Variants in ACCSL observed in about 807,000 individuals in gnomAD.
The protein encoded by ACCSL is probable inactive 1-aminocyclopropane-1-carboxylate synthase-like protein 2.
A neutral mutation model predicts 61.7 loss-of-function variants in ACCSL; 55 were observed. That is an observed-to-expected ratio of 0.89 (90% CI 0.72 to 1.12). The LOEUF (loss-of-function observed/expected upper bound fraction) is 1.12, where lower values mean the gene tolerates loss of function less well. Among genes scored for constraint, ACCSL ranks in the 50% most tolerant of loss-of-function variants. ACCSL has a pLI of 0.00. For missense variants in ACCSL, 632 were observed against 698.0 expected (o/e 0.91, Z 1.07); for synonymous variants, 258 against 264.3 (o/e 0.98, Z 0.23).
the ACCSL span, chr11:43,925,276 T>TC: frequency 2.3e-6 from 1 of 433,192 alleles, no homozygotes; most frequent in East Asian, 7.1e-5. Flanking sequence ...TTGAGAGTAG[T>TC]CCCTATCAAA....
the ACCSL span, among the ~76,000 whole-genome samples, chr11:44,021,680 G>T: frequency 6.6e-6 from 1 of 152,140 alleles, no homozygotes; most frequent in Admixed American, 6.5e-5. Context: ...TCTTGGTCAT[G>T]AACTCTTTGC....
chr11:44,045,457 C>G (rs11037838), upstream of ACCSL, among the ~76,000 whole-genome samples: 597 of 152,180 alleles, frequency 3.9e-3, 4 homozygotes, highest in East Asian at 0.031. Flanking sequence ...AACAACCCCC[C>G]CCACAAAAAA....
the ACCSL span, among the ~76,000 whole-genome samples, chr11:43,994,508 G>A: frequency 4.0e-5 from 6 of 151,074 alleles, no homozygotes; most frequent in Non-Finnish European, 7.4e-5. Flanking sequence ...TTAGAGCATT[G>A]TGTGTATATG....
chr11:43,963,715 C>T, the ACCSL span, among the ~76,000 whole-genome samples: 23 of 152,314 alleles, frequency 1.5e-4, no homozygotes, highest in South Asian at 8.3e-4. Flanking sequence ...ATCCCCCATG[C>T]GAAGTGAATT....
chr11:44,019,868 G>A, the ACCSL span, among the ~76,000 whole-genome samples: 2 of 152,072 alleles, frequency 1.3e-5, no homozygotes, highest in African/African-American at 4.8e-5. Flanking sequence ...TTCTCTAAGA[G>A]CTTTATTGGT....
the ACCSL span, among the ~76,000 whole-genome samples, chr11:43,938,992 G>T: frequency 6.6e-6 from 1 of 152,260 alleles, no homozygotes; most frequent in East Asian, 1.9e-4. Context: ...CCTGCTCCTT[G>T]GACAAAACCA....
At chr11:44,002,229 G>T in the ACCSL span, among the ~76,000 whole-genome samples, 1 of 152,074 alleles carries the variant, frequency 6.6e-6, no homozygotes, top group Non-Finnish European at 1.5e-5. Flanking sequence ...AGGAGAAGGG[G>T]TGGGTTTGAG....
chr11:44,050,422 G>C (rs1322005086), intron 2 of ACCSL, 130 bp from the exon 3 acceptor site: 3 of 768,532 alleles, frequency 3.9e-6, no homozygotes, highest in Non-Finnish European at 6.7e-6. Context: ...GGAGCATGCA[G>C]TGTATATACC....
chr11:43,979,862 A>G, the ACCSL span, among the ~76,000 whole-genome samples: 6 of 121,214 alleles, frequency 4.9e-5, no homozygotes, highest in East Asian at 2.4e-4. Context: ...AAAAAAAAAA[A>G]AAAGAAAAGA....
chr11:43,966,585 A>G, the ACCSL span, among the ~76,000 whole-genome samples: 1 of 152,226 alleles, frequency 6.6e-6, no homozygotes, highest in Admixed American at 6.5e-5. Context: ...TTACAACTCA[A>G]CAACAGAAAG....
chr11:44,001,775 C>CTGTGTGTGTG, the ACCSL span, among the ~76,000 whole-genome samples: 294 of 96,820 alleles, frequency 3.0e-3, 4 homozygotes, highest in Admixed American at 0.013. Flanking sequence ...GGTAAAGGGG[C>CTGTGTGTGTG]TGTGTGTGTG....
the ACCSL span, chr11:43,925,031 C>A: frequency 5.7e-6 from 1 of 174,578 alleles, no homozygotes; most frequent in Non-Finnish European, 1.2e-5. Context: ...TTCTCTCAGA[C>A]TTTCAGCCTC....
At position 44,056,105 on chromosome 11, in the gene ACCSL, C is replaced by T; in HGVS notation, c.1185+20C>T. 6.2e-7 allele frequency: 1 copy of T among 1,614,226 alleles called. No individual in the cohort carries two copies. On this transcript the variant is annotated intron_variant, in intron 10 of 13. Transcript: ENST00000378832. ...AGTAAGGTGAGCCATTGCTTTCTCT[C>T]CTTGGCTAGGGAAGGAGGAGGAGCC...
At chr11:43,990,013 C>T in the ACCSL span, among the ~76,000 whole-genome samples, 4 of 152,232 alleles carry the variant, frequency 2.6e-5, no homozygotes, top group African/African-American at 9.6e-5. Flanking sequence ...AACTTAGCAG[C>T]CACCCATGAT....
chr11:43,997,667 C>T, the ACCSL span, among the ~76,000 whole-genome samples: 1 of 152,308 alleles, frequency 6.6e-6, no homozygotes, highest in East Asian at 1.9e-4. Flanking sequence ...CCTTGAGATA[C>T]AGGTTTCCTT....
chr11:44,037,318 T>A, the ACCSL span, among the ~76,000 whole-genome samples: 1 of 152,164 alleles, frequency 6.6e-6, no homozygotes, highest in Non-Finnish European at 1.5e-5. Flanking sequence ...GAGCCCTGAG[T>A]CCTGTCTGTA....
the ACCSL span, among the ~76,000 whole-genome samples, chr11:44,018,891 C>A: frequency 6.6e-6 from 1 of 152,176 alleles, no homozygotes; most frequent in African/African-American, 2.4e-5. Context: ...CAAAATTGTG[C>A]AATTATCTAA....
intron 4 of ACCSL, 117 bp from the exon 5 acceptor site, chr11:44,051,536 T>C (rs918097691): frequency 2.6e-6 from 4 of 1,527,480 alleles, no homozygotes; most frequent in Admixed American, 1.7e-5. Context: ...AAGGCCAATG[T>C]GTCCCAACTG....
the ACCSL span, chr11:43,943,099 G>A: frequency 6.7e-7 from 1 of 1,501,194 alleles, no homozygotes; most frequent in African/African-American, 1.4e-5. This position sits in a 1 kb window ranked among gnomAD's most constrained non-coding sequence, Gnocchi z 4.8. Context: ...AGATCCAGGA[G>A]GTGGAGGAGG....
Sources: allele counts gnomAD v4.1 joint callset (sites outside exome capture counted in the v4.1 genomes callset), GRCh38; gene constraint gnomAD v4.1.1; non-coding constraint Gnocchi (gnomAD v3.1); transcripts MANE v1.5; gene names NCBI Gene and HGNC (gene_info 2026-07-23, HGNC 2026-07-21).